The following RBFOX1 variants were observed in gnomAD, a reference collection of about 807,000 sequenced individuals.
RBFOX1 encodes the protein RNA binding fox-1 homolog 1.
In RBFOX1, 8 loss-of-function variants were observed where a neutral mutation model predicts 57.7. The observed-to-expected ratio is 0.14, with a 90% CI of 0.08 to 0.25. RBFOX1 has a LOEUF of 0.25. Ranked by LOEUF, RBFOX1 falls within the 10% of genes least tolerant of loss-of-function variation. The pLI is 1.00. For synonymous variants in RBFOX1, 326 were observed against 222.4 expected (o/e 1.47, Z -4.15); for missense variants, 611 against 548.5 (o/e 1.11, Z -1.14).
chr16:6,700,931 G>T (rs1432800472), intron 3 of RBFOX1, among the ~76,000 whole-genome samples: 4 of 152,042 alleles, frequency 2.6e-5, no homozygotes, highest in African/African-American at 9.7e-5. Flanking sequence ...CTTAACCATT[G>T]TTCGAGGTTG....
intron 1 of RBFOX1, among the ~76,000 whole-genome samples, chr16:5,326,617 A>G (rs2064580722): frequency 6.6e-6 from 1 of 152,186 alleles, no homozygotes; most frequent in Admixed American, 6.5e-5. Context: ...TCCTAGCTAG[A>G]TTTCAGAGGG....
At chr16:5,368,318 T>C (rs970893218) in intron 1 of RBFOX1, among the ~76,000 whole-genome samples, 2 of 152,306 alleles carry the variant, frequency 1.3e-5, no homozygotes, top group South Asian at 4.1e-4. Flanking sequence ...AATGAAAACC[T>C]CCCAGTTCTT....
intron 3 of RBFOX1, among the ~76,000 whole-genome samples, chr16:6,837,028 G>T (rs990842368): frequency 3.9e-5 from 6 of 152,086 alleles, no homozygotes; most frequent in African/African-American, 1.4e-4. Context: ...TATTTACTCG[G>T]CTTTTACAGT....
intron 10 of RBFOX1, among the ~76,000 whole-genome samples, chr16:7,616,369 C>T (rs76899686): frequency 1.3e-5 from 2 of 152,322 alleles, no homozygotes; most frequent in East Asian, 3.9e-4. Context: ...GTGAAGCTCA[C>T]CTGAGCCTTA....
intron 4 of RBFOX1, among the ~76,000 whole-genome samples, chr16:7,230,228 T>G (rs1445609089): frequency 6.6e-6 from 1 of 152,022 alleles, no homozygotes; most frequent in Non-Finnish European, 1.5e-5. Flanking sequence ...GGAAGACATT[T>G]GGGAAATGAT....
intron 3 of RBFOX1, among the ~76,000 whole-genome samples, chr16:6,917,883 C>G (rs991917024): frequency 2.6e-4 from 39 of 152,238 alleles, no homozygotes; most frequent in Middle Eastern, 3.4e-3. Flanking sequence ...GAAACTGACA[C>G]AAGTCGAAAG....
intron 4 of RBFOX1, among the ~76,000 whole-genome samples, chr16:7,258,656 A>T (rs2094794660): frequency 6.6e-6 from 1 of 152,206 alleles, no homozygotes; most frequent in Admixed American, 6.5e-5. Flanking sequence ...TATTTTACTA[A>T]CATGATGGCT....
chr16:6,110,482 T>C (rs888743007), intron 1 of RBFOX1, among the ~76,000 whole-genome samples: 1 of 152,204 alleles, frequency 6.6e-6, no homozygotes, highest in African/African-American at 2.4e-5. Context: ...GTGTGCATTT[T>C]TAAGCAGTCA....
chr16:5,582,732 C>T (rs990194910), intron 2 of RBFOX1, among the ~76,000 whole-genome samples: 1 of 151,906 alleles, frequency 6.6e-6, no homozygotes, highest in African/African-American at 2.4e-5. Context: ...AATCAAAGCC[C>T]ATCATCTCAA....
chr16:6,611,580 A>G (rs560569977), intron 2 of RBFOX1, among the ~76,000 whole-genome samples: 64 of 152,286 alleles, frequency 4.2e-4, no homozygotes, highest in African/African-American at 1.5e-3. Context: ...CACAGTGAGC[A>G]TGGTTTTTCC....
chr16:6,940,419 C>A (rs1045431276), intron 3 of RBFOX1, among the ~76,000 whole-genome samples: 1 of 152,142 alleles, frequency 6.6e-6, no homozygotes, highest in African/African-American at 2.4e-5. Context: ...AGCTAAAGCT[C>A]CTTTAATCTT....
At chr16:7,156,690 T>C (rs2077219464) in intron 4 of RBFOX1, among the ~76,000 whole-genome samples, 2 of 152,130 alleles carry the variant, frequency 1.3e-5, no homozygotes, top group Admixed American at 1.3e-4. Flanking sequence ...TCTATAGTAT[T>C]CCCTTCTATG....
intron 4 of RBFOX1, among the ~76,000 whole-genome samples, chr16:5,974,824 C>A (rs1215668862): frequency 6.6e-6 from 1 of 151,948 alleles, no homozygotes; most frequent in Non-Finnish European, 1.5e-5. Context: ...GCCTGACCAA[C>A]ATGGAGAAAC....
At chr16:6,535,988 T>C (rs1343012858) in intron 2 of RBFOX1, among the ~76,000 whole-genome samples, 2 of 152,214 alleles carry the variant, frequency 1.3e-5, no homozygotes, top group Admixed American at 6.5e-5. Context: ...CGACTTCATA[T>C]ATATCTATCT....
At chr16:6,433,849 T>TC (rs1321117870) in intron 2 of RBFOX1, among the ~76,000 whole-genome samples, 5 of 75,232 alleles carry the variant, frequency 6.6e-5, no homozygotes, top group African/African-American at 3.3e-4. Flanking sequence ...CATTTTTCTT[T>TC]TTTTTTTTTT....
rs147744451 is a variant in RBFOX1 at position 7,188,414 on chromosome 16, G to A, written c.27+136316G>A. ...ACCTAGAGTTAAAATTTGCATTGCA[G>A]TTAGTTTCAAAATGCTATTTAGAGG... On this transcript the variant is annotated intron_variant, in intron 4 of 15. Coordinates refer to ENST00000550418, the MANE Select transcript of RBFOX1 (RefSeq NM_018723.4). Among the ~76,000 whole-genome samples, 1,446 of 152,312 alleles carry A rather than the reference G, an allele frequency of 9.5e-3. 26 individuals are homozygous for A. Among genetic ancestry groups the A allele is most frequent in the African/African-American group, 0.033 (1,355 of 41,552 alleles).
rs115320660 is a variant in RBFOX1, at chr16:6,845,886, A to G, written c.-16+191236A>G. Among the ~76,000 whole-genome samples the G allele has an allele frequency of 3.0e-3, 461 of 152,232 alleles. 2 individuals carry two copies. Among genetic ancestry groups the G allele is most frequent in the African/African-American group, 0.011 (446 of 41,530 alleles). On this transcript the variant is annotated intron_variant, in intron 3 of 15. Coordinates refer to ENST00000550418, the MANE Select transcript of RBFOX1 (RefSeq NM_018723.4). ...GTATGGCTATTCCTTCTGATTCTTT[A>G]TATCTCACTTTAAATGTCATTATCT...
intron 4 of RBFOX1, among the ~76,000 whole-genome samples, chr16:7,386,953 T>A (rs1421861237): frequency 6.6e-6 from 1 of 152,222 alleles, no homozygotes; most frequent in Non-Finnish European, 1.5e-5. Flanking sequence ...CATTGTGGTT[T>A]TGATTTGCAT....
intron 4 of RBFOX1, among the ~76,000 whole-genome samples, chr16:7,130,037 T>C (rs2069812884): frequency 6.6e-6 from 1 of 150,438 alleles, no homozygotes; most frequent in South Asian, 2.1e-4. Context: ...TGAAGATTTT[T>C]TTTTTTTTTT....
Sources: gnomAD v4.1 joint callset for allele counts (sites outside exome capture counted in the v4.1 genomes callset) on GRCh38, gnomAD v4.1.1 for gene constraint, MANE v1.5 for transcripts, NCBI Gene and HGNC (gene_info 2026-07-23, HGNC 2026-07-21) for gene names.